RAPH1: variants seen among roughly 807,000 people sequenced by gnomAD.
The protein encoded by RAPH1 is ras-associated and pleckstrin homology domains-containing protein 1.
In RAPH1, 18 loss-of-function variants were observed where a neutral mutation model predicts 88.1. The ratio of observed to expected loss-of-function variants is 0.20; its 90% confidence interval spans 0.14 to 0.30. RAPH1 has a LOEUF of 0.30. RAPH1 is among the 10% of genes least tolerant of loss of function. RAPH1 has a pLI of 1.00. For missense variants in RAPH1, 1,448 were observed against 1,543.2 expected (o/e 0.94, Z 1.03); for synonymous variants, 587 against 559.0 (o/e 1.05, Z -0.71).
In RAPH1 at chr2:203,439,612, G is replaced by C; in HGVS notation, c.3578C>G (p.Pro1193Arg). 1 of 1,614,160 alleles carries C rather than the reference G, an allele frequency of 6.2e-7. No homozygotes were observed. The highest frequency in any genetic ancestry group is 8.5e-7 in the Non-Finnish European group (1 of 1,180,026). The change falls in exon 14 of 14, where the codon CCA becomes CGA. Residue 1193 changes from proline to arginine, a missense_variant. Coordinates refer to ENST00000319170, the MANE Select transcript of RAPH1 (RefSeq NM_213589.3). ...TGCCATATCATCCATGGTGGCTGTTGGTTCTGCTCTGGACATGCGGGAGGA... is the reference window on the plus strand; with the variant it reads ...TGCCATATCATCCATGGTGGCTGTTCGTTCTGCTCTGGACATGCGGGAGGA... ...SLSSRMSRAEPTATMDDMALP... is the reference protein window; with the variant it reads ...SLSSRMSRAERTATMDDMALP...
At chr2:203,507,868 AT>A (rs1338730548) in intron 1 of RAPH1, among the ~76,000 whole-genome samples, 2 of 152,168 alleles carry the variant, frequency 1.3e-5, no homozygotes, top group African/African-American at 2.4e-5. Context: ...ACATTTCCTG[AT>A]TTTGATAACA....
rs2098512424 is a variant in RAPH1 at position 203,448,992 on chromosome 2, A to G, written c.1414-156T>C. Among the ~76,000 whole-genome samples, 1 of 152,290 alleles carries G rather than the reference A, an allele frequency of 6.6e-6. No homozygotes were observed. The highest frequency in any genetic ancestry group is 6.5e-5 in the Admixed American group (1 of 15,294). ...ATATGGCCATAAGGCCAAATAAAGT[A>G]GCCCATAAGAATTTTTACAAAGTAA... On this transcript the variant is annotated intron_variant, in intron 10 of 13. Transcript: ENST00000319170. The surrounding 1 kb of genome is among the most constrained non-coding windows in gnomAD (Gnocchi z 4.1).
At chr2:203,522,919 AAAAG>A (rs1689956630) in intron 1 of RAPH1, among the ~76,000 whole-genome samples, 3 of 151,550 alleles carry the variant, frequency 2.0e-5, no homozygotes, top group Admixed American at 2.0e-4. Context: ...AAAAAAAAGA[AAAAG>A]AAAAGAACCT....
At chr2:203,506,522 A>AAAAAAAC (rs528384948) in intron 1 of RAPH1, among the ~76,000 whole-genome samples, 41 of 151,762 alleles carry the variant, frequency 2.7e-4, no homozygotes, top group Non-Finnish European at 4.3e-4. Flanking sequence ...TCCGTCTCAA[A>AAAAAAAC]AAAAAACAAA....
chr2:203,454,130 T>C (rs1472116879), intron 10 of RAPH1, among the ~76,000 whole-genome samples: 5 of 152,118 alleles, frequency 3.3e-5, no homozygotes, highest in Admixed American at 2.0e-4. Context: ...TGTTCTAAGT[T>C]TTCCTAAAAT....
intron 1 of RAPH1, among the ~76,000 whole-genome samples, chr2:203,504,726 G>T (rs1431403712): frequency 2.6e-5 from 4 of 151,004 alleles, no homozygotes; most frequent in Non-Finnish European, 5.9e-5. Context: ...AAAATTTCCT[G>T]AACTTTTATG....
intron 8 of RAPH1, 29 bp downstream of exon 8, chr2:203,457,501 A>G (rs1397004734): frequency 6.3e-7 from 1 of 1,586,540 alleles, no homozygotes; most frequent in Admixed American, 1.7e-5. Context: ...TTAATTTTTA[A>G]ATGTGCAGGA....
intron 4 of RAPH1, among the ~76,000 whole-genome samples, chr2:203,479,253 C>T (rs964754319): frequency 5.9e-5 from 9 of 152,246 alleles, no homozygotes; most frequent in African/African-American, 2.2e-4. Context: ...TTTCTGGACT[C>T]AATCTTGCAC....
At chr2:203,484,897 G>A (rs561305524) in intron 4 of RAPH1, among the ~76,000 whole-genome samples, 1 of 152,304 alleles carries the variant, frequency 6.6e-6, no homozygotes, top group African/African-American at 2.4e-5. Context: ...AAAGAGACAT[G>A]CCATCTTCTG....
intron 2 of RAPH1, among the ~76,000 whole-genome samples, chr2:203,491,739 C>T (rs545067723): frequency 6.6e-6 from 1 of 152,264 alleles, no homozygotes; most frequent in East Asian, 1.9e-4. Context: ...AACTTCTGGC[C>T]TCAAGTGATC....
At chr2:203,532,984 A>G (rs1379746150) in intron 1 of RAPH1, among the ~76,000 whole-genome samples, 2 of 152,242 alleles carry the variant, frequency 1.3e-5, no homozygotes, top group African/African-American at 4.8e-5. Flanking sequence ...AGAATCTGTG[A>G]ATAGTGTGAC....
chr2:203,499,563 A>G (rs1031364570), intron 1 of RAPH1, among the ~76,000 whole-genome samples: 2 of 152,156 alleles, frequency 1.3e-5, no homozygotes, highest in Non-Finnish European at 2.9e-5. Flanking sequence ...CTCTACAAAA[A>G]TTAGCTGGGC....
intron 1 of RAPH1, among the ~76,000 whole-genome samples, chr2:203,513,346 T>TC (rs59822509): frequency 0.096 from 13,311 of 138,450 alleles, 1,357 homozygotes; most frequent in African/African-American, 0.26. Flanking sequence ...GTCTTTTCTC[T>TC]CAATCTTTTT....
intron 1 of RAPH1, among the ~76,000 whole-genome samples, chr2:203,504,059 T>C (rs1346172575): frequency 6.6e-6 from 1 of 152,052 alleles, no homozygotes; most frequent in Non-Finnish European, 1.5e-5. Context: ...TGGCATTGAG[T>C]GTCTGAGGCT....
chr2:203,486,342 T>C (rs1474022636), intron 4 of RAPH1, among the ~76,000 whole-genome samples: 1 of 152,174 alleles, frequency 6.6e-6, no homozygotes, highest in African/African-American at 2.4e-5. Flanking sequence ...TTCAAGTATA[T>C]AGTCATTTTA....
chr2:203,498,253 A>G (rs1032566013), intron 1 of RAPH1, among the ~76,000 whole-genome samples: 1 of 152,206 alleles, frequency 6.6e-6, no homozygotes, highest in African/African-American at 2.4e-5. Context: ...AGTAACTTTA[A>G]TGAGTATTTT....
chr2:203,489,500 TAAG>T (rs1688144752), intron 4 of RAPH1, 81 bp downstream of exon 4: 5 of 1,021,784 alleles, frequency 4.9e-6, no homozygotes, highest in Non-Finnish European at 6.6e-6. Flanking sequence ...TAGAAGAATT[TAAG>T]AAGTTAATTA....
At chr2:203,482,541 G>A (rs779625948) in intron 4 of RAPH1, among the ~76,000 whole-genome samples, 3 of 152,168 alleles carry the variant, frequency 2.0e-5, no homozygotes, top group Non-Finnish European at 2.9e-5. Flanking sequence ...AAAACTTGAT[G>A]ATTGTGTATA....
chr2:203,443,629 G>C (rs2098506303), intron 13 of RAPH1: 1 of 148,392 alleles, frequency 6.7e-6, no homozygotes, highest in Non-Finnish European at 1.5e-5. Flanking sequence ...CCAAAGAAAT[G>C]GCAAAAGCAT....
Sources: allele counts gnomAD v4.1 joint callset (sites outside exome capture counted in the v4.1 genomes callset), GRCh38; gene constraint gnomAD v4.1.1; non-coding constraint Gnocchi (gnomAD v3.1); transcripts MANE v1.5; gene names NCBI Gene and HGNC (gene_info 2026-07-23, HGNC 2026-07-21).